Variants in ITGAE observed in about 807,000 individuals in gnomAD.
ITGAE encodes integrin subunit alpha E, also known as integrin alpha-E.
A neutral mutation model predicts 136.5 loss-of-function variants in ITGAE; 99 were observed. The observed-to-expected ratio is 0.73, with a 90% CI of 0.62 to 0.86. ITGAE has a LOEUF of 0.86. ITGAE is among the 40% of genes least tolerant of loss of function. The pLI is 0.00. For synonymous variants in ITGAE, 613 were observed against 591.8 expected (o/e 1.04, Z -0.52); for missense variants, 1,447 against 1,515.3 (o/e 0.95, Z 0.75).
chr17:3,746,429 G>C (rs984843445), intron 17 of ITGAE, among the ~76,000 whole-genome samples: 2 of 151,758 alleles, frequency 1.3e-5, no homozygotes, highest in Non-Finnish European at 2.9e-5. Context: ...GAAGGGACAG[G>C]TCTGTTATTT....
chr17:3,765,655 G>A (rs1301546745), intron 2 of ITGAE, among the ~76,000 whole-genome samples: 6 of 152,100 alleles, frequency 3.9e-5, no homozygotes, highest in African/African-American at 9.6e-5. Context: ...CCAACGGACC[G>A]CTCTCTGTCC....
intron 28 of ITGAE, 153 bp from the exon 29 acceptor site, chr17:3,720,555 C>T (rs2051028812): frequency 4.1e-6 from 2 of 492,126 alleles, no homozygotes; most frequent in Non-Finnish European, 7.2e-6. Flanking sequence ...GTTACCCAAA[C>T]AAGACATCTG....
intron 21 of ITGAE, among the ~76,000 whole-genome samples, chr17:3,732,763 C>A (rs1019251722): frequency 2.6e-5 from 4 of 152,254 alleles, no homozygotes; most frequent in African/African-American, 9.6e-5. Flanking sequence ...TTCGTAAGGT[C>A]TTCCTGGGGA....
intron 26 of ITGAE, chr17:3,726,407 C>A: frequency 1.0e-6 from 1 of 955,826 alleles, no homozygotes; most frequent in Non-Finnish European, 1.6e-6. Flanking sequence ...AACCTCCATC[C>A]CCACAGGAGG....
intron 12 of ITGAE, 53 bp downstream of exon 12, chr17:3,755,064 A>C: frequency 1.3e-6 from 1 of 751,262 alleles, no homozygotes; most frequent in Non-Finnish European, 2.0e-6. Flanking sequence ...GGGAGCCTCC[A>C]GGCCCCGCCC....
chr17:3,759,596 C>A, intron 7 of ITGAE, 43 bp from the exon 8 acceptor site: 1 of 1,589,860 alleles, frequency 6.3e-7, no homozygotes, highest in South Asian at 1.1e-5. Flanking sequence ...GAAGAATTGC[C>A]ACCTCTGCCC....
chr17:3,768,816 A>G (rs2052356488), intron 2 of ITGAE, among the ~76,000 whole-genome samples: 1 of 152,072 alleles, frequency 6.6e-6, no homozygotes, highest in African/African-American at 2.4e-5. Context: ...GATCTTGTCT[A>G]TCTTCTTCAC....
chr17:3,742,935 A>G (rs1243213808), intron 19 of ITGAE, among the ~76,000 whole-genome samples: 1 of 152,258 alleles, frequency 6.6e-6, no homozygotes, highest in African/African-American at 2.4e-5. Context: ...TACAGGCATC[A>G]GCCAGGGCGC....
chr17:3,733,641 G>T (rs188101464), intron 21 of ITGAE, among the ~76,000 whole-genome samples: 1 of 152,054 alleles, frequency 6.6e-6, no homozygotes, highest in Non-Finnish European at 1.5e-5. Flanking sequence ...GGCTGGTCTC[G>T]AACTCCTGAC....
intron 1 of ITGAE, among the ~76,000 whole-genome samples, chr17:3,796,147 CCG>C (rs1491512967): frequency 4.1e-5 from 2 of 48,690 alleles, no homozygotes; most frequent in Non-Finnish European, 8.8e-5. Context: ...GTGTGTGCAT[CCG>C]TGTGTGTGTG....
chr17:3,760,122 G>C lies in ITGAE; in HGVS notation c.714+50C>G. On this transcript the variant is annotated intron_variant, in intron 7 of 30. Coordinates refer to ENST00000263087, the MANE Select transcript of ITGAE (RefSeq NM_002208.5). ...TGTGGTGATTGTTGTTCTGAGGTAG[G>C]GTGATTCTCAGCAATAGATAAGTGT... 4 of 1,066,556 alleles carry C rather than the reference G, an allele frequency of 3.8e-6. No individual in the cohort carries two copies. The South Asian group carries it at 5.1e-5, about 14-fold the overall frequency. 66.1% of individuals were successfully genotyped at this position (1,066,556 alleles called of 1,614,324 possible).
At chr17:3,779,627 C>T (rs928859076) in intron 1 of ITGAE, among the ~76,000 whole-genome samples, 4 of 152,072 alleles carry the variant, frequency 2.6e-5, no homozygotes. Context: ...CCACATCCAG[C>T]GTGCAATTTA....
At position 3,757,146 on chromosome 17, in the gene ITGAE, G is replaced by A. The variant is rs1402787531; in HGVS notation, c.1021-12C>T. On this transcript the variant is annotated splice_polypyrimidine_tract_variant and intron_variant, in intron 9 of 30. Coordinates refer to ENST00000263087, the MANE Select transcript of ITGAE (RefSeq NM_002208.5). ...AATTCTTCTCCCACCTGCACAGACA[G>A]CCTGGGTCAGCGAGTCAGCGCTGCG... The A allele has an allele frequency of 6.2e-7, 1 of 1,612,988 alleles. No homozygotes were observed. Among genetic ancestry groups the A allele is most frequent in the African/African-American group, 1.3e-5 (1 of 74,924 alleles).
chr17:3,734,231 C>T (rs929015977), intron 21 of ITGAE, among the ~76,000 whole-genome samples: 4 of 72,148 alleles, frequency 5.5e-5, no homozygotes, highest in African/African-American at 4.4e-4. Flanking sequence ...CCATCGCGCC[C>T]AGCTAATTTT....
chr17:3,796,425 G>A (rs1459388274), intron 1 of ITGAE, among the ~76,000 whole-genome samples: 1 of 152,124 alleles, frequency 6.6e-6, no homozygotes, highest in African/African-American at 2.4e-5. Context: ...CTGCCTTGGA[G>A]TCACTGAAGG....
rs763646832 is a variant in ITGAE at position 3,777,595 on chromosome 17, C to G, written c.100G>C (p.Ala34Pro). 8.7e-6 allele frequency: 14 copies of G among 1,613,814 alleles called. No homozygotes were observed. Among genetic ancestry groups the G allele is most frequent in the Admixed American group, 3.3e-5 (2 of 59,972 alleles). Residue 34 changes from alanine (A) to proline (P), a missense_variant, in exon 2 of 31, where the codon GCC (alanine) becomes CCC (proline). Transcript: ENST00000263087. Reference sequence around the variant, plus strand: ...AGAAGGGAGCTGAGCACGAAAGGGGCACCTCCCTTGGGCGTGAGCCAGGGC... The same window carrying G: ...AGAAGGGAGCTGAGCACGAAAGGGGGACCTCCCTTGGGCGTGAGCCAGGGC... ...ARPWLTPKGGAPFVLSSLLHQ... is the reference protein window; with the variant it reads ...ARPWLTPKGGPPFVLSSLLHQ...
At chr17:3,796,018 TGCGC>T (rs1438483919) in intron 1 of ITGAE, among the ~76,000 whole-genome samples, 1 of 138,678 alleles carries the variant, frequency 7.2e-6, no homozygotes, top group African/African-American at 2.8e-5. Context: ...TGCATCCATG[TGCGC>T]GTGTGTGCGT....
chr17:3,741,235 G>A (rs959385607), intron 19 of ITGAE, among the ~76,000 whole-genome samples: 1 of 132,170 alleles, frequency 7.6e-6, no homozygotes, highest in Non-Finnish European at 1.6e-5. Flanking sequence ...CCGCCACCAC[G>A]CCCAGCTAAT....
chr17:3,777,843 C>T (rs1284840084), intron 1 of ITGAE, among the ~76,000 whole-genome samples, 183 bp from the exon 2 acceptor site: 1 of 152,110 alleles, frequency 6.6e-6, no homozygotes, highest in African/African-American at 2.4e-5. Context: ...TCTGATCCTC[C>T]TACTAAACCA....
Sources: gnomAD v4.1 joint callset for allele counts (sites outside exome capture counted in the v4.1 genomes callset) on GRCh38, gnomAD v4.1.1 for gene constraint, MANE v1.5 for transcripts, NCBI Gene and HGNC (gene_info 2026-07-23, HGNC 2026-07-21) for gene names.